The following NUDT5 variants were observed in gnomAD, a reference collection of about 807,000 sequenced individuals.
The protein encoded by NUDT5 is nudix hydrolase 5.
A neutral mutation model predicts 34.1 loss-of-function variants in NUDT5; 21 were observed. The observed-to-expected ratio is 0.62, with a 90% CI of 0.44 to 0.89. The LOEUF is 0.89. Ranked by LOEUF, NUDT5 falls within the 40% of genes least tolerant of loss-of-function variation. The pLI, the probability that NUDT5 is intolerant of heterozygous loss-of-function variation, is 0.00. For missense variants in NUDT5, 249 were observed against 274.8 expected (o/e 0.91, Z 0.66); for synonymous variants, 85 against 97.6 (o/e 0.87, Z 0.76).
At position 12,175,230 on chromosome 10, in the gene NUDT5, G is replaced by C. The variant is rs964131512; in HGVS notation, c.290-1417C>G. Among the ~76,000 whole-genome samples the C allele has an allele frequency of 3.3e-5, 5 of 152,152 alleles. No homozygotes were observed. Among genetic ancestry groups the C allele is most frequent in the Admixed American group, 3.3e-4 (5 of 15,256 alleles). The stretch of plus-strand genomic sequence containing the variant: ...AGCTACGCGGGAGGCTGAGGCAGGA[G>C]AATCGCTTGACCCTGTTAGGCGGAG... On this transcript the variant is annotated intron_variant, in intron 5 of 9. Coordinates refer to ENST00000491614, the MANE Select transcript of NUDT5 (RefSeq NM_014142.4). This position sits in a 1 kb window ranked among gnomAD's most constrained non-coding sequence, Gnocchi z 4.8.
intron 5 of NUDT5, among the ~76,000 whole-genome samples, chr10:12,176,333 G>A (rs1435401536): frequency 1.3e-5 from 2 of 152,238 alleles, no homozygotes; most frequent in African/African-American, 4.8e-5. Flanking sequence ...GCTGGGTGTG[G>A]TAGTTTAGGC....
chr10:12,190,546 G>A lies in NUDT5; in HGVS notation c.-41-4214C>T, dbSNP rs551027988. 4.0e-5 allele frequency among the ~76,000 whole-genome samples: 6 copies of A among 151,858 alleles called. 1 individual carries two copies. The highest frequency in any genetic ancestry group is 1.2e-4 in the African/African-American group (5 of 41,400). The stretch of plus-strand genomic sequence containing the variant: ...TGCCTCAGAGACACCACCATACCAG[G>A]ATGTTTTAAAGGAGGGACACACACA... On this transcript the variant is annotated intron_variant, in intron 1 of 9. Coordinates refer to ENST00000491614, the MANE Select transcript of NUDT5 (RefSeq NM_014142.4).
rs1381034756 is a variant in NUDT5 at position 12,186,254 on chromosome 10, C to T, written c.38G>A (p.Gly13Asp). The change falls in exon 2 of 10, where the codon GGC (glycine) becomes GAC (aspartate). Residue 13 changes from glycine (G) to aspartate (D), a missense_variant. By Grantham distance (94) the Gly-to-Asp change is moderately conservative. Transcript: ENST00000491614. The part of the protein sequence containing the change: ...SQEPTESSQN[G>D]KQYIISEELI... ...CTCCTCTGAAATGATATACTGTTTG[C>T]CATTCTGAGAAGATTCCGTTGGTTC... is the stretch of plus-strand genomic sequence containing the variant. The T allele has an allele frequency of 6.2e-7, 1 of 1,613,692 alleles. No homozygotes were observed. Among genetic ancestry groups the T allele is most frequent in the East Asian group, 2.2e-5 (1 of 44,886 alleles).
intron 2 of NUDT5, among the ~76,000 whole-genome samples, 154 bp from the exon 3 acceptor site, chr10:12,185,110 G>A (rs1835104653): frequency 1.3e-5 from 2 of 151,900 alleles, no homozygotes; most frequent in African/African-American, 4.8e-5. Flanking sequence ...TCAGTTCAGA[G>A]TAGGTAGGTA....
rs145132883 is a variant in NUDT5 at position 12,189,723 on chromosome 10, G to A, written c.-41-3391C>T. Among the ~76,000 whole-genome samples, 77 of 152,294 alleles carry A rather than the reference G, an allele frequency of 5.1e-4. 1 individual carries two copies. The East Asian group carries it at 0.013, about 26-fold the overall frequency. ...CCGTGCTTTGTAAGCCAGCGTCTCC[G>A]CCACTGCAACGGAGTTTGCCTTCAC... is the stretch of plus-strand genomic sequence containing the variant. On this transcript the variant is annotated intron_variant, in intron 1 of 9. Transcript: ENST00000491614.
chr10:12,169,234 CTA>C lies in NUDT5; in HGVS notation c.551-1425_551-1424del. The stretch of plus-strand genomic sequence containing the variant: ...CTCTCTCCACCTCCCCTCACTTATT[CTA>C]TTTTTTTCTCCCTTTTCTAAGACCA... On this transcript the variant is annotated intron_variant, in intron 9 of 9. Transcript: ENST00000491614. The surrounding 1 kb of genome is among the most constrained non-coding windows in gnomAD (Gnocchi z 4.8). 1 of 1,502,258 alleles carries C rather than the reference CTA, an allele frequency of 6.7e-7. No homozygotes were observed. The highest frequency in any genetic ancestry group is 1.2e-5 in the South Asian group (1 of 82,102). 93.1% of individuals were successfully genotyped at this position (1,502,258 alleles called of 1,614,324 possible). A position where few individuals can be genotyped will look rare whatever the true frequency, so the allele number is the denominator to read the frequency against.
At position 12,170,266 on chromosome 10, in the gene NUDT5, T is replaced by A; in HGVS notation, c.550+451A>T. The A allele has an allele frequency of 1.5e-6, 2 of 1,373,928 alleles. No homozygotes were observed. The highest frequency in any genetic ancestry group is 2.1e-6 in the Non-Finnish European group (2 of 967,612). 85.1% of individuals were successfully genotyped at this position (1,373,928 alleles called of 1,614,324 possible). ...TGTGAAAAGCATATCACACGGAGTA[T>A]ACAGGAAATACCTCAAGTATTTGTT... is the stretch of plus-strand genomic sequence containing the variant. On this transcript the variant is annotated intron_variant, in intron 9 of 9. Coordinates refer to ENST00000491614, the MANE Select transcript of NUDT5 (RefSeq NM_014142.4). The surrounding 1 kb of genome is among the most constrained non-coding windows in gnomAD (Gnocchi z 4.9).
chr10:12,195,646 G>GCT (rs1835325292), intron 1 of NUDT5, 124 bp downstream of exon 1: 1 of 152,718 alleles, frequency 6.5e-6, no homozygotes, highest in Non-Finnish European at 1.5e-5. Context: ...CTGGACGCGT[G>GCT]CCCAGCCGCA....
At chr10:12,174,983 G>A (rs1036749538) in intron 5 of NUDT5, among the ~76,000 whole-genome samples, 1 of 152,176 alleles carries the variant, frequency 6.6e-6, no homozygotes, top group Non-Finnish European at 1.5e-5. Context: ...CAAGGAAGAG[G>A]AAGGGAGCAG....
Position 12,170,073 on chromosome 10 carries a change from TCTC to T in NUDT5, c.550+641_550+643del. ...AGTATCTCCTCGTCTCCACACAGTA[TCTC>T]CTCATGTCTCCATACAGTATCTCCT... On this transcript the variant is annotated intron_variant, in intron 9 of 9. Transcript: ENST00000491614. The surrounding 1 kb of genome is among the most constrained non-coding windows in gnomAD (Gnocchi z 4.9). The T allele has an allele frequency of 6.3e-7, 1 of 1,597,920 alleles. No homozygotes were observed. Among genetic ancestry groups the T allele is most frequent in the South Asian group, 1.1e-5 (1 of 90,718 alleles).
chr10:12,172,261 C>G (rs10906094), intron 7 of NUDT5, among the ~76,000 whole-genome samples: 64,084 of 151,618 alleles, frequency 0.42, 14,882 homozygotes, highest in Middle Eastern at 0.56. Flanking sequence ...ATCTGCTGCC[C>G]GTTAACAATT....
chr10:12,177,025 G>A (rs1286164851), intron 5 of NUDT5, among the ~76,000 whole-genome samples: 7 of 151,628 alleles, frequency 4.6e-5, no homozygotes, highest in African/African-American at 4.9e-5. Context: ...AGGAGGCTGA[G>A]GCAGGAGAAT....
intron 4 of NUDT5, 105 bp downstream of exon 4, chr10:12,178,978 G>T: frequency 2.1e-6 from 2 of 949,846 alleles, no homozygotes; most frequent in Non-Finnish European, 3.4e-6. Flanking sequence ...GAGATTTAAA[G>T]ACACAACATC....
Position 12,179,078 on chromosome 10 carries a change from C to T in NUDT5, c.181+5G>A. 6.2e-7 allele frequency: 1 copy of T among 1,613,386 alleles called. No homozygotes were observed. The highest frequency in any genetic ancestry group is 8.5e-7 in the Non-Finnish European group (1 of 1,179,306). On this transcript the variant is annotated splice_donor_5th_base_variant and intron_variant, in intron 4 of 9. Transcript: ENST00000491614. ...TAAAGGGTTGGAATAGGTTTGCACT[C>T]CTACCATCCGCAGTCTGCTCTTTCC...
intron 1 of NUDT5, among the ~76,000 whole-genome samples, chr10:12,188,298 T>C (rs1441301916): frequency 3.3e-5 from 5 of 152,372 alleles, no homozygotes; most frequent in Non-Finnish European, 7.3e-5. Context: ...CAAGCTTCCC[T>C]ATTCTAAAAT....
intron 1 of NUDT5, among the ~76,000 whole-genome samples, chr10:12,194,023 T>C (rs1835284921): frequency 1.3e-5 from 2 of 152,172 alleles, no homozygotes; most frequent in Non-Finnish European, 2.9e-5. Context: ...ACTACAGGCA[T>C]GCGCCAACAC....
At position 12,168,482 on chromosome 10, in the gene NUDT5, CAT is replaced by C. The variant is rs1298787892; in HGVS notation, c.551-673_551-672del. 6.6e-5 allele frequency among the ~76,000 whole-genome samples: 10 copies of C among 152,288 alleles called. No individual in the cohort carries two copies. Among genetic ancestry groups the C allele is most frequent in the Admixed American group, 2.6e-4 (4 of 15,296 alleles). ...CCATCTTTTCTGCTGCTAGGGGATACATATGTTCCCCCGGCAAGTTAAACTGT... is the reference window on the plus strand; with the variant it reads ...CCATCTTTTCTGCTGCTAGGGGATACATGTTCCCCCGGCAAGTTAAACTGT... On this transcript the variant is annotated intron_variant, in intron 9 of 9. Transcript: ENST00000491614. The surrounding 1 kb of genome is among the most constrained non-coding windows in gnomAD (Gnocchi z 4.8).
At chr10:12,176,683 G>A (rs983827577) in intron 5 of NUDT5, among the ~76,000 whole-genome samples, 1 of 152,198 alleles carries the variant, frequency 6.6e-6, no homozygotes, top group Non-Finnish European at 1.5e-5. Context: ...ATCCAATAAA[G>A]TCCTACAATA....
chr10:12,167,664 G>A lies in NUDT5; in HGVS notation c.*38C>T, dbSNP rs769933424. The A allele has an allele frequency of 1.3e-6, 2 of 1,584,328 alleles. No homozygotes were observed. The highest frequency in any genetic ancestry group is 1.1e-5 in the South Asian group (1 of 90,032). ...AAAGTCTTAGTGAAGAAGGCCTGGTGGTCTCGTTTACAAAAATGGCCAGTG... is the reference window on the plus strand; with the variant it reads ...AAAGTCTTAGTGAAGAAGGCCTGGTAGTCTCGTTTACAAAAATGGCCAGTG... On this transcript the variant is annotated 3_prime_UTR_variant, in exon 10 of 10. Transcript: ENST00000491614.
Sources: allele counts gnomAD v4.1 joint callset (sites outside exome capture counted in the v4.1 genomes callset), GRCh38; gene constraint gnomAD v4.1.1; non-coding constraint Gnocchi (gnomAD v3.1); transcripts MANE v1.5; gene names NCBI Gene and HGNC (gene_info 2026-07-23, HGNC 2026-07-21).